NAALADL1: variants seen among roughly 807,000 people sequenced by gnomAD.
NAALADL1 encodes N-acetylated alpha-linked acidic dipeptidase like 1.
In NAALADL1, 77 loss-of-function variants were observed where a neutral mutation model predicts 82.8. That is an observed-to-expected ratio of 0.93 (90% CI 0.77 to 1.12). The LOEUF (loss-of-function observed/expected upper bound fraction) is 1.12. Among genes scored for constraint, NAALADL1 ranks in the 50% most tolerant of loss-of-function variants. The probability of loss-of-function intolerance (pLI) is 0.00; values close to 1 mark genes in which losing one functional copy is unlikely to be tolerated. For missense variants in NAALADL1, 956 were observed against 964.0 expected, an observed-to-expected ratio of 0.99 and a Z score of 0.11; for synonymous variants, 358 against 399.2, an observed-to-expected ratio of 0.90 and a Z score of 1.23.
In NAALADL1 at chr11:65,054,606, G is replaced by A. The variant is rs202066168; in HGVS notation, c.736C>T (p.Arg246Ter). ...CCAAAATACTCGTAGTAGGAGCCTC[G>A]CTCCACTCCTGAGGGGGGCAGGTAC... is the stretch of plus-strand genomic sequence containing the variant. The part of the protein sequence containing the change: ...SWYLPPSGVE[R>*]GSYYEYFGDP... The change falls in exon 5 of 18, where the codon CGA becomes TGA. Residue 246 changes from arginine (R) to a stop codon, truncating the protein, a stop_gained. Transcript: ENST00000358658. LOFTEE classifies it high-confidence loss of function. This position sits in a 1 kb window ranked among gnomAD's most constrained non-coding sequence, Gnocchi z 4.3. The A allele has an allele frequency of 2.3e-5, 37 of 1,613,806 alleles. No homozygotes were observed. The East Asian group carries it at 2.7e-4, about 12-fold the overall frequency.
chr11:65,052,052 T>C (rs1196913129), intron 8 of NAALADL1, among the ~76,000 whole-genome samples: 3 of 152,144 alleles, frequency 2.0e-5, no homozygotes, highest in Non-Finnish European at 4.4e-5. Context: ...AAGAAATTAA[T>C]ATGGGAAGAC....
At chr11:65,047,596 G>A in intron 12 of NAALADL1, 31 bp from the exon 13 acceptor site, 1 of 1,576,710 alleles carries the variant, frequency 6.3e-7, no homozygotes, top group Non-Finnish European at 8.6e-7. Context: ...GGGATAAAGA[G>A]CGCTGGGCCG....
At chr11:65,046,868 CAG>C (rs372084845) in intron 13 of NAALADL1, among the ~76,000 whole-genome samples, 1 of 152,130 alleles carries the variant, frequency 6.6e-6, no homozygotes, top group Admixed American at 6.6e-5. Flanking sequence ...GAGCATCAAA[CAG>C]GGAGGTGCCA....
At chr11:65,058,273 G>A (rs766919277) in intron 1 of NAALADL1, 23 bp from the exon 2 acceptor site, 1 of 1,613,716 alleles carries the variant, frequency 6.2e-7, no homozygotes, top group South Asian at 1.1e-5. Flanking sequence ...CAGAGGGAGG[G>A]GCAGGGCCAG....
chr11:65,048,170 C>A lies in NAALADL1; in HGVS notation c.1330G>T (p.Val444Leu). The change falls in exon 10 of 18, where the codon GTG becomes TTG. Residue 444 changes from valine (V) to leucine (L), a missense_variant. By Grantham distance (32) the Val-to-Leu change is conservative. Coordinates refer to ENST00000358658, the MANE Select transcript of NAALADL1 (RefSeq NM_005468.3). Reference sequence around the variant, plus strand: ...CACATACCAAACACCGAGATGTCCACGTTGATGTAGGCCACCGTGCGCTCC... The same window carrying A: ...CACATACCAAACACCGAGATGTCCAAGTTGATGTAGGCCACCGTGCGCTCC... ...LQERTVAYIN[V>L]DISVFANATL... is the part of the protein sequence containing the mutation. 6.2e-7 allele frequency: 1 copy of A among 1,614,098 alleles called. No homozygotes were observed. The highest frequency in any genetic ancestry group is 1.1e-5 in the South Asian group (1 of 91,066).
At position 65,046,435 on chromosome 11, in the gene NAALADL1, CCCT is replaced by C. The variant is rs1946731663; in HGVS notation, c.1681+7_1681+9del. On this transcript the variant is annotated splice_region_variant and intron_variant, in intron 14 of 17. Transcript: ENST00000358658. ...CCTGGTCTCAGGATGCCCCTTGTCT[CCCT>C]CCTCACCCGGGTCCAAAAACTTGTC... 16 of 1,614,094 alleles carry C rather than the reference CCCT, an allele frequency of 9.9e-6. No individual in the cohort carries two copies. Among genetic ancestry groups the C allele is most frequent in the Non-Finnish European group, 1.4e-5 (16 of 1,180,040 alleles).
chr11:65,045,305 G>C lies in NAALADL1; in HGVS notation c.2189C>G (p.Ala730Gly). Residue 730 changes from alanine to glycine, a missense_variant, in exon 18 of 18, where the codon GCG (alanine) becomes GGG (glycine). Physicochemically the swap from Ala to Gly is moderately conservative, Grantham distance 60. Coordinates refer to ENST00000358658, the MANE Select transcript of NAALADL1 (RefSeq NM_005468.3). ...AGCCACAGGCCTCAGGGTGGCTGCC[G>C]CACCCTCCAGGGCTGTCACCACAAT... Reference protein sequence around the residue: ...LSIVVTALEGAAATLRPVADL With the variant: ...LSIVVTALEGGAATLRPVADL 1 of 1,607,982 alleles carries C rather than the reference G, an allele frequency of 6.2e-7. No individual in the cohort carries two copies. Among genetic ancestry groups the C allele is most frequent in the Non-Finnish European group, 8.5e-7 (1 of 1,176,420 alleles).
chr11:65,054,659 G>A lies in NAALADL1; in HGVS notation c.683C>T (p.Ser228Leu). 1 of 1,614,140 alleles carries A rather than the reference G, an allele frequency of 6.2e-7. No individual in the cohort carries two copies. Among genetic ancestry groups the A allele is most frequent in the Non-Finnish European group, 8.5e-7 (1 of 1,180,030 alleles). The stretch of plus-strand genomic sequence containing the variant: ...GGAGTTGGGAAAGGTTTCGTCGGGT[G>A]AGCTCAGCCCATCGTTGATGTCGGC... ...DPADINDGLS[S>L]PDETFPNSWY... The change falls in exon 5 of 18, where the codon TCA becomes TTA. Residue 228 changes from serine (S) to leucine (L), a missense_variant. Ser to Leu is a moderately radical substitution (Grantham distance 145). Coordinates refer to ENST00000358658, the MANE Select transcript of NAALADL1 (RefSeq NM_005468.3). The surrounding 1 kb of genome is among the most constrained non-coding windows in gnomAD (Gnocchi z 4.3).
At chr11:65,050,158 G>A (rs953150954) in intron 8 of NAALADL1, among the ~76,000 whole-genome samples, 2 of 151,610 alleles carry the variant, frequency 1.3e-5, no homozygotes, top group African/African-American at 4.8e-5. Context: ...TTACAGGCAT[G>A]AGCCACGACA....
chr11:65,053,449 A>G lies in NAALADL1; in HGVS notation c.1078+42T>C, dbSNP rs779414231. 6.2e-7 allele frequency: 1 copy of G among 1,613,058 alleles called. No homozygotes were observed. The highest frequency in any genetic ancestry group is 2.2e-5 in the East Asian group (1 of 44,884). On this transcript the variant is annotated intron_variant, in intron 7 of 17. Coordinates refer to ENST00000358658, the MANE Select transcript of NAALADL1 (RefSeq NM_005468.3). This position sits in a 1 kb window ranked among gnomAD's most constrained non-coding sequence, Gnocchi z 4.3. Reference sequence around the variant, plus strand: ...GGATGAGGACAGCGGCATCCAGAGCAGAGCAGGGGCCTGGGGTGCAGGCAG... The same window carrying G: ...GGATGAGGACAGCGGCATCCAGAGCGGAGCAGGGGCCTGGGGTGCAGGCAG...
At chr11:65,056,910 T>G (rs776049646) in intron 4 of NAALADL1, among the ~76,000 whole-genome samples, 6 of 151,942 alleles carry the variant, frequency 3.9e-5, no homozygotes, top group Admixed American at 6.6e-5. Context: ...AGAGATGGAG[T>G]TTCACCATGT....
chr11:65,057,323 C>G (rs983844445), intron 4 of NAALADL1, 48 bp downstream of exon 4: 15 of 1,562,014 alleles, frequency 9.6e-6, no homozygotes, highest in Admixed American at 1.9e-5. Context: ...GTCCACTGCC[C>G]AGCCCCTTCC....
rs1423947601 is a variant in NAALADL1 at position 65,045,848 on chromosome 11, T to C, written c.2010A>G (p.Arg670=). The C allele has an allele frequency of 1.2e-5, 19 of 1,613,910 alleles. No individual in the cohort carries two copies. The highest frequency in any genetic ancestry group is 3.3e-5 in the Admixed American group (2 of 59,994). The change falls in exon 17 of 18, where the codon AGA becomes AGG. Residue 670 remains arginine (R), a synonymous_variant. Transcript: ENST00000358658. ...MLLERTFLNP[R]AFPEERYYSH... ...TGTAGTAGCGTTCCTCTGGGAAGGCTCTAGGGTTCAGAAAGGTCCGTTCCA... is the reference window on the plus strand; with the variant it reads ...TGTAGTAGCGTTCCTCTGGGAAGGCCCTAGGGTTCAGAAAGGTCCGTTCCA...
At chr11:65,047,775 C>T (rs1305001593) in intron 11 of NAALADL1, 37 bp from the exon 12 acceptor site, 1 of 1,555,968 alleles carries the variant, frequency 6.4e-7, no homozygotes, top group Admixed American at 1.9e-5. Flanking sequence ...GTGCGCGGCC[C>T]TCCCCAGCCC....
intron 8 of NAALADL1, among the ~76,000 whole-genome samples, chr11:65,051,671 A>AG (rs35230204): frequency 2.0e-4 from 30 of 151,422 alleles, no homozygotes; most frequent in Non-Finnish European, 2.2e-4. Context: ...ATATCATACA[A>AG]GGGGGGGGAT....
intron 4 of NAALADL1, among the ~76,000 whole-genome samples, chr11:65,055,646 A>C (rs966391578): frequency 6.6e-6 from 1 of 152,198 alleles, no homozygotes; most frequent in African/African-American, 2.4e-5. Flanking sequence ...TTGAGGTTAC[A>C]GAAAATAGAA....
Position 65,047,970 on chromosome 11 carries a change from C to G in NAALADL1, c.1416+11G>C, listed in dbSNP as rs756601437. ...AGCTAGTTCAGCCCCGCCCGGCCTG[C>G]CCCCTTCCACCTCTTTGGTTGCAGA... On this transcript the variant is annotated intron_variant, in intron 11 of 17. Transcript: ENST00000358658. 2.5e-6 allele frequency: 4 copies of G among 1,601,522 alleles called. No homozygotes were observed. The South Asian group carries it at 4.5e-5, about 18-fold the overall frequency.
intron 8 of NAALADL1, among the ~76,000 whole-genome samples, chr11:65,049,699 TTG>T (rs1212115572): frequency 2.6e-5 from 4 of 151,968 alleles, no homozygotes; most frequent in African/African-American, 9.7e-5. Flanking sequence ...CAGCAAGACC[TTG>T]TCTCTACAAA....
At position 65,045,302 on chromosome 11, in the gene NAALADL1, G is replaced by GC. The variant is rs752714845; in HGVS notation, c.2191dup (p.Ala731GlyfsTer9). On this transcript the variant is annotated frameshift_variant, in exon 18 of 18. Transcript: ENST00000358658. LOFTEE classifies it high-confidence loss of function. ...GTCAGCCACAGGCCTCAGGGTGGCT[G>GC]CCGCACCCTCCAGGGCTGTCACCAC... The GC allele has an allele frequency of 2.6e-5, 42 of 1,609,046 alleles. No homozygotes were observed. The African/African-American group carries it at 5.5e-4, about 21-fold the overall frequency.
Sources: allele counts gnomAD v4.1 joint callset (sites outside exome capture counted in the v4.1 genomes callset), GRCh38; gene constraint gnomAD v4.1.1; non-coding constraint Gnocchi (gnomAD v3.1); transcripts MANE v1.5; gene names NCBI Gene and HGNC (gene_info 2026-07-23, HGNC 2026-07-21).